Variants in CDH18 observed in about 807,000 individuals in gnomAD.
CDH18 encodes cadherin-18.
In CDH18, 31 loss-of-function variants were observed where a neutral mutation model predicts 67.9. The observed-to-expected ratio is 0.46, with a 90% CI of 0.34 to 0.62. The LOEUF (loss-of-function observed/expected upper bound fraction) is 0.62. Ranked by LOEUF, CDH18 falls within the 20% of genes least tolerant of loss-of-function variation. The pLI, the probability that CDH18 is intolerant of heterozygous loss-of-function variation, is 0.01. For missense variants in CDH18, 890 were observed against 975.5 expected (o/e 0.91, Z 1.17); for synonymous variants, 362 against 347.2 (o/e 1.04, Z -0.48).
At chr5:20,272,717 T>C (rs1745528236) in intron 1 of CDH18, among the ~76,000 whole-genome samples, 1 of 151,928 alleles carries the variant, frequency 6.6e-6, no homozygotes, top group Non-Finnish European at 1.5e-5. Flanking sequence ...GTCCATTCAT[T>C]TTTTTCCCTC....
chr5:20,250,825 C>G (rs1295989020), intron 2 of CDH18, among the ~76,000 whole-genome samples: 1 of 151,660 alleles, frequency 6.6e-6, no homozygotes, highest in Non-Finnish European at 1.5e-5. Flanking sequence ...AGGCTGGCCT[C>G]CACCTCCTGG....
chr5:20,218,253 G>C (rs1180652993), intron 2 of CDH18, among the ~76,000 whole-genome samples: 1 of 151,716 alleles, frequency 6.6e-6, no homozygotes, highest in Non-Finnish European at 1.5e-5. Flanking sequence ...CTCAAGAACA[G>C]ACCATTTGCT....
At chr5:19,591,301 C>A (rs1745094875) in intron 6 of CDH18, 57 bp from the exon 7 acceptor site, 6 of 1,216,936 alleles carry the variant, frequency 4.9e-6, no homozygotes, top group Admixed American at 2.6e-5. Context: ...AATAATCTTA[C>A]AAGAAAAAAT....
chr5:20,059,406 T>C (rs1452705118), intron 2 of CDH18, among the ~76,000 whole-genome samples: 1 of 152,198 alleles, frequency 6.6e-6, no homozygotes. Flanking sequence ...TCTAGTTCTT[T>C]TAATTGTGAT....
intron 2 of CDH18, among the ~76,000 whole-genome samples, chr5:20,041,463 T>A (rs1478048340): frequency 5.3e-5 from 8 of 152,240 alleles, no homozygotes; most frequent in Non-Finnish European, 1.0e-4. Flanking sequence ...TATCCTCCAA[T>A]TAAATGATTC....
intron 4 of CDH18, among the ~76,000 whole-genome samples, chr5:19,725,910 A>G (rs1766785388): frequency 6.6e-6 from 1 of 152,224 alleles, no homozygotes; most frequent in Non-Finnish European, 1.5e-5. Flanking sequence ...ACTAGGCTAT[A>G]AACTCCTCAG....
intron 1 of CDH18, among the ~76,000 whole-genome samples, chr5:20,385,266 G>A (rs2150106755): frequency 6.6e-6 from 1 of 152,218 alleles, no homozygotes; most frequent in Admixed American, 6.5e-5. Context: ...AATTCCCACA[G>A]ATCAGTATGT....
At chr5:19,957,981 A>C (rs1796419032) in intron 2 of CDH18, among the ~76,000 whole-genome samples, 2 of 152,102 alleles carry the variant, frequency 1.3e-5, no homozygotes, top group South Asian at 4.1e-4. Context: ...TAACAGATAC[A>C]GCTGACCCTT....
At chr5:19,658,910 C>G (rs1756787840) in intron 5 of CDH18, among the ~76,000 whole-genome samples, 1 of 151,842 alleles carries the variant, frequency 6.6e-6, no homozygotes, top group Non-Finnish European at 1.5e-5. Context: ...AAATGTCCAA[C>G]AATGATAGAC....
intron 2 of CDH18, among the ~76,000 whole-genome samples, chr5:20,037,984 T>A (rs1268059205): frequency 1.3e-5 from 2 of 151,130 alleles, no homozygotes; most frequent in Admixed American, 6.6e-5. Flanking sequence ...GAGAGAAGGA[T>A]CAAATAGACA....
chr5:19,578,395 T>C (rs1742672288), intron 7 of CDH18, among the ~76,000 whole-genome samples: 1 of 152,178 alleles, frequency 6.6e-6, no homozygotes, highest in Non-Finnish European at 1.5e-5. Flanking sequence ...GTGTGTTTTC[T>C]GTTTCTTTGA....
chr5:20,519,572 T>C (rs1170607521), intron 1 of CDH18, among the ~76,000 whole-genome samples: 1 of 152,074 alleles, frequency 6.6e-6, no homozygotes, highest in African/African-American at 2.4e-5. Flanking sequence ...TATACATATG[T>C]AACAAACCCG....
intron 2 of CDH18, among the ~76,000 whole-genome samples, chr5:20,196,035 C>A (rs2126734088): frequency 6.6e-6 from 1 of 152,240 alleles, no homozygotes; most frequent in South Asian, 2.1e-4. Flanking sequence ...TAGCATCCTT[C>A]CTGGAAGGTA....
chr5:19,758,859 CT>C (rs1254929388), intron 3 of CDH18, among the ~76,000 whole-genome samples: 2 of 152,228 alleles, frequency 1.3e-5, no homozygotes, highest in Non-Finnish European at 2.9e-5. Context: ...TTTGCTCTTT[CT>C]TGCTCACTGG....
At chr5:20,550,573 C>T (rs1188015288) in intron 1 of CDH18, among the ~76,000 whole-genome samples, 2 of 152,062 alleles carry the variant, frequency 1.3e-5, no homozygotes, top group Non-Finnish European at 2.9e-5. Flanking sequence ...ACAAGCATGC[C>T]ACATACTCAG....
intron 2 of CDH18, among the ~76,000 whole-genome samples, chr5:19,955,711 A>T (rs1007453918): frequency 6.6e-6 from 1 of 152,090 alleles, no homozygotes. Context: ...AGTTAAAAAA[A>T]ATAGAGTACA....
intron 2 of CDH18, among the ~76,000 whole-genome samples, chr5:20,184,422 G>A (rs141681569): frequency 0.013 from 1,986 of 151,926 alleles, 19 homozygotes; most frequent in Non-Finnish European, 0.021. Flanking sequence ...TTTTATTTTT[G>A]TACTCCTTTT....
chr5:20,129,410 A>G (rs2126465294), intron 2 of CDH18, among the ~76,000 whole-genome samples: 1 of 152,176 alleles, frequency 6.6e-6, no homozygotes, highest in South Asian at 2.1e-4. Flanking sequence ...ATTACAAGCA[A>G]TTGACAAAAA....
intron 1 of CDH18, among the ~76,000 whole-genome samples, chr5:20,330,254 A>G (rs1264796602): frequency 1.3e-5 from 2 of 152,152 alleles, no homozygotes; most frequent in East Asian, 3.9e-4. Context: ...TTAAAGGTAA[A>G]TTTTTTGAAG....
Sources: gnomAD v4.1 joint callset for allele counts (sites outside exome capture counted in the v4.1 genomes callset) on GRCh38, gnomAD v4.1.1 for gene constraint, MANE v1.5 for transcripts, NCBI Gene and HGNC (gene_info 2026-07-23, HGNC 2026-07-21) for gene names.